The following AK7 variants were observed in gnomAD, a reference collection of about 807,000 sequenced individuals.
The protein encoded by AK7 is adenylate kinase 7.
AK7 carries 78 observed loss-of-function variants against 96.6 expected under a neutral mutation model. The ratio of observed to expected loss-of-function variants is 0.81; its 90% confidence interval spans 0.67 to 0.97. AK7 has a LOEUF of 0.97. Among genes scored for constraint, AK7 ranks in the 50% least tolerant of loss-of-function variants. The probability of loss-of-function intolerance (pLI) is 0.00; values close to 1 mark genes in which losing one functional copy is unlikely to be tolerated. For synonymous variants in AK7, 302 were observed against 317.2 expected, an observed-to-expected ratio of 0.95 and a Z score of 0.51; for missense variants, 855 against 887.9, an observed-to-expected ratio of 0.96 and a Z score of 0.47.
intron 7 of AK7, among the ~76,000 whole-genome samples, chr14:96,444,628 A>G (rs1053628874): frequency 1.2e-4 from 18 of 152,332 alleles, no homozygotes; most frequent in African/African-American, 4.3e-4. Flanking sequence ...AGTCTTCAAT[A>G]GGCATGATAA....
intron 5 of AK7, among the ~76,000 whole-genome samples, chr14:96,434,422 G>GTCTGTCTCTCTCTCTCTC (rs1292793971): frequency 6.7e-6 from 1 of 149,320 alleles, no homozygotes; most frequent in African/African-American, 2.5e-5. Context: ...CTGTCTGTCT[G>GTCTGTCTCTCTCTCTCTC]TCTCTCTCTC....
intron 11 of AK7, 142 bp downstream of exon 11, chr14:96,456,617 A>G (rs576433458): frequency 7.6e-6 from 7 of 920,638 alleles, no homozygotes; most frequent in Non-Finnish European, 1.1e-5. Context: ...AAGGTGTCCT[A>G]ATCAGTAGCC....
chr14:96,483,279 C>G, intron 16 of AK7, 60 bp downstream of exon 16: 1 of 1,520,550 alleles, frequency 6.6e-7, no homozygotes, highest in Non-Finnish European at 8.9e-7. Flanking sequence ...CGGTGCCTGG[C>G]AAAGCCATTT....
intron 1 of AK7, among the ~76,000 whole-genome samples, chr14:96,392,694 T>A (rs938673803): frequency 1.3e-5 from 2 of 151,930 alleles, no homozygotes; most frequent in African/African-American, 4.8e-5. Flanking sequence ...GACGGAGCCT[T>A]GCTCTGTCGC....
intron 3 of AK7, among the ~76,000 whole-genome samples, chr14:96,407,359 G>A (rs993292914): frequency 3.3e-5 from 5 of 152,126 alleles, no homozygotes; most frequent in African/African-American, 9.7e-5. Context: ...GGAATAATAC[G>A]TGATCATAGT....
intron 11 of AK7, 111 bp downstream of exon 11, chr14:96,456,586 C>T (rs1276321550): frequency 7.5e-7 from 1 of 1,327,010 alleles, no homozygotes; most frequent in Non-Finnish European, 1.0e-6. Context: ...TTAGATGATC[C>T]CAATTTTGTT....
chr14:96,481,780 A>G (rs998758803), intron 15 of AK7, among the ~76,000 whole-genome samples: 3 of 145,340 alleles, frequency 2.1e-5, no homozygotes, highest in Admixed American at 6.8e-5. Flanking sequence ...TCTCAACTCA[A>G]TGCAACCTCT....
chr14:96,426,563 GTACTCCCTTTAGTGT>G (rs1317788251), intron 5 of AK7, among the ~76,000 whole-genome samples: 5 of 152,138 alleles, frequency 3.3e-5, no homozygotes, highest in African/African-American at 1.2e-4. Context: ...TCTGACTGAA[GTACTCCCTTTAGTGT>G]TTCTTGTAGG....
chr14:96,420,264 AG>A (rs1443723671), intron 4 of AK7, among the ~76,000 whole-genome samples: 1 of 151,678 alleles, frequency 6.6e-6, no homozygotes, highest in African/African-American at 2.4e-5. Flanking sequence ...TGGGAGGCTG[AG>A]GTGGGCAGAT....
intron 16 of AK7, 82 bp downstream of exon 16, chr14:96,483,301 A>G (rs1436494718): frequency 7.6e-5 from 105 of 1,378,168 alleles, no homozygotes; most frequent in Non-Finnish European, 8.8e-5. Flanking sequence ...GGCCAGTTCC[A>G]CTTCCCATCC....
chr14:96,476,583 G>A (rs558769753), intron 14 of AK7, among the ~76,000 whole-genome samples: 4 of 151,274 alleles, frequency 2.6e-5, no homozygotes, highest in African/African-American at 7.3e-5. Flanking sequence ...TGTTATCTAC[G>A]GTCTTACCAA....
intron 14 of AK7, among the ~76,000 whole-genome samples, chr14:96,473,549 C>G (rs986981468): frequency 3.3e-5 from 5 of 151,482 alleles, no homozygotes; most frequent in Non-Finnish European, 7.4e-5. Flanking sequence ...CCCTTTTGTG[C>G]CAAAAGAATC....
chr14:96,429,193 T>C (rs1173639868), intron 5 of AK7, among the ~76,000 whole-genome samples: 1 of 152,236 alleles, frequency 6.6e-6, no homozygotes, highest in Non-Finnish European at 1.5e-5. Context: ...TAGCCAGTTT[T>C]CCCAGCACTG....
rs145850596 is a variant in AK7, at chr14:96,470,117, C to T, written c.1358-1361C>T. ...ATAGGTGTGAGCCACCGCGCCCGCC[C>T]GGGAGAGGTGTTTTAATTAGATCAG... On this transcript the variant is annotated intron_variant, in intron 12 of 17. Coordinates refer to ENST00000267584, the MANE Select transcript of AK7 (RefSeq NM_152327.5). 5.1e-3 allele frequency among the ~76,000 whole-genome samples: 777 copies of T among 151,426 alleles called. 8 individuals carry two copies. Among genetic ancestry groups the T allele is most frequent in the East Asian group, 0.019 (95 of 5,130 alleles).
chr14:96,419,602 C>T (rs1891548789), intron 4 of AK7, among the ~76,000 whole-genome samples: 1 of 151,980 alleles, frequency 6.6e-6, no homozygotes, highest in Non-Finnish European at 1.5e-5. Flanking sequence ...CCACTGCACT[C>T]CAGCCTGGGC....
chr14:96,400,946 G>A (rs1460169455), intron 2 of AK7, among the ~76,000 whole-genome samples: 2 of 152,152 alleles, frequency 1.3e-5, no homozygotes, highest in South Asian at 2.1e-4. Context: ...TTATGCACTC[G>A]CCTTCCATCA....
At chr14:96,471,750 G>A in intron 13 of AK7, 144 bp downstream of exon 13, 1 of 707,072 alleles carries the variant, frequency 1.4e-6, no homozygotes, top group Non-Finnish European at 2.0e-6. Flanking sequence ...TCTTTACGTA[G>A]CTTTTTTTTT....
At chr14:96,424,115 C>T in intron 5 of AK7, 1 of 654,206 alleles carries the variant, frequency 1.5e-6, no homozygotes, top group Non-Finnish European at 2.9e-6. Context: ...CTCCGCTCGT[C>T]CACCGCCACC....
intron 10 of AK7, among the ~76,000 whole-genome samples, chr14:96,453,032 A>G (rs1016933113): frequency 6.6e-6 from 1 of 152,218 alleles, no homozygotes; most frequent in Non-Finnish European, 1.5e-5. Context: ...CATCATAACC[A>G]TAATTATCAC....
Sources: gnomAD v4.1 joint callset for allele counts (sites outside exome capture counted in the v4.1 genomes callset) on GRCh38, gnomAD v4.1.1 for gene constraint, MANE v1.5 for transcripts, NCBI Gene and HGNC (gene_info 2026-07-23, HGNC 2026-07-21) for gene names.